Variants in GALNTL6 observed in about 807,000 individuals in gnomAD.
GALNTL6 encodes the protein polypeptide N-acetylgalactosaminyltransferase like 6, also known as polypeptide N-acetylgalactosaminyltransferase-like 6.
A neutral mutation model predicts 73.7 loss-of-function variants in GALNTL6; 46 were observed. The observed-to-expected ratio is 0.62, with a 90% CI of 0.49 to 0.80. The LOEUF is 0.80. Among genes scored for constraint, GALNTL6 ranks in the 30% least tolerant of loss-of-function variants. The pLI is 0.00. For missense variants in GALNTL6, 604 were observed against 755.0 expected (o/e 0.80, Z 2.34); for synonymous variants, 259 against 263.7 (o/e 0.98, Z 0.17).
rs181917265 is a variant in GALNTL6 at position 172,071,557 on chromosome 4, T to C, written c.139-158099T>C. ...CCCTTTTGGTGTTCTGCTTTTCTCATTGGGTTCCACATTTAGTGTGTTTTG... is the reference window on the plus strand; with the variant it reads ...CCCTTTTGGTGTTCTGCTTTTCTCACTGGGTTCCACATTTAGTGTGTTTTG... On this transcript the variant is annotated intron_variant, in intron 2 of 12. Coordinates refer to ENST00000506823, the MANE Select transcript of GALNTL6 (RefSeq NM_001034845.3). Among the ~76,000 whole-genome samples the C allele has an allele frequency of 5.1e-4, 57 of 111,132 alleles. 20 individuals carry two copies. The highest frequency in any genetic ancestry group is 1.8e-3 in the Admixed American group (19 of 10,728). 72.9% of individuals were successfully genotyped at this position (111,132 alleles called of 152,430 possible).
At position 172,804,393 on chromosome 4, in the gene GALNTL6, C is replaced by T. The variant is rs926724606; in HGVS notation, c.554-4968C>T. 1.7e-4 allele frequency among the ~76,000 whole-genome samples: 26 copies of T among 152,150 alleles called. 1 individual carries two copies. The highest frequency in any genetic ancestry group is 1.6e-3 in the Admixed American group (24 of 15,266). On this transcript the variant is annotated intron_variant, in intron 5 of 12. Coordinates refer to ENST00000506823, the MANE Select transcript of GALNTL6 (RefSeq NM_001034845.3). The stretch of plus-strand genomic sequence containing the variant: ...ATGATCTTATGGCAATCAGCCAACA[C>T]CAATGTATAAACATCAAAGAAATTT...
At chr4:172,940,545 T>C (rs1382062518) in intron 9 of GALNTL6, among the ~76,000 whole-genome samples, 1 of 151,862 alleles carries the variant, frequency 6.6e-6, no homozygotes, top group East Asian at 1.9e-4. Context: ...GTAATTTTAG[T>C]AGAGACGGGC....
chr4:172,208,067 T>C (rs836306), intron 2 of GALNTL6, among the ~76,000 whole-genome samples: 79,221 of 151,888 alleles, frequency 0.52, 22,167 homozygotes, highest in East Asian at 0.86. Context: ...AGAATTGTGA[T>C]ATTTTAGTTC....
chr4:172,552,807 T>C (rs1413351845), intron 5 of GALNTL6, among the ~76,000 whole-genome samples: 1 of 125,560 alleles, frequency 8.0e-6, no homozygotes, highest in Non-Finnish European at 1.6e-5. Context: ...AGAATATCGT[T>C]ATATTAGGCT....
intron 5 of GALNTL6, among the ~76,000 whole-genome samples, chr4:172,412,772 A>T (rs335985): frequency 0.87 from 131,794 of 152,168 alleles, 57,095 homozygotes; most frequent in South Asian, 0.89. Flanking sequence ...ATTCATTAAG[A>T]TTGTTTTTAA....
intron 2 of GALNTL6, among the ~76,000 whole-genome samples, chr4:172,123,500 A>ATT (rs67067629): frequency 0.027 from 3,087 of 115,340 alleles, 180 homozygotes; most frequent in African/African-American, 0.051. Flanking sequence ...AAAAGTCATA[A>ATT]TTTTTTTTTT....
chr4:171,818,349 A>T (rs1473030407), intron 2 of GALNTL6, among the ~76,000 whole-genome samples: 1 of 151,860 alleles, frequency 6.6e-6, no homozygotes, highest in Admixed American at 6.6e-5. Context: ...TCCTAAATAC[A>T]TTTTTAAAAA....
At chr4:172,060,005 A>T (rs1479695383) in intron 2 of GALNTL6, among the ~76,000 whole-genome samples, 1 of 152,226 alleles carries the variant, frequency 6.6e-6, no homozygotes, top group East Asian at 1.9e-4. Flanking sequence ...AGCTTCACTT[A>T]ACTAAAATTT....
At chr4:172,985,747 C>T (rs926249478) in intron 10 of GALNTL6, among the ~76,000 whole-genome samples, 2 of 152,164 alleles carry the variant, frequency 1.3e-5, no homozygotes, top group South Asian at 2.1e-4. Context: ...AACCACAAGA[C>T]CAGATGAGCC....
intron 5 of GALNTL6, among the ~76,000 whole-genome samples, chr4:172,659,075 C>T (rs1579300863): frequency 6.6e-6 from 1 of 152,192 alleles, no homozygotes; most frequent in East Asian, 1.9e-4. Context: ...ATCTCATCCA[C>T]ACAAGCATCC....
At chr4:172,647,500 G>A (rs1224766911) in intron 5 of GALNTL6, among the ~76,000 whole-genome samples, 2 of 151,976 alleles carry the variant, frequency 1.3e-5, no homozygotes, top group Non-Finnish European at 2.9e-5. Flanking sequence ...TAAAAATGGT[G>A]GTTTCTTCTA....
chr4:172,987,607 C>T (rs1249996914), intron 10 of GALNTL6, among the ~76,000 whole-genome samples: 1 of 152,174 alleles, frequency 6.6e-6, no homozygotes, highest in African/African-American at 2.4e-5. Flanking sequence ...TGTGTCCCCA[C>T]CCTAATCTCA....
intron 2 of GALNTL6, among the ~76,000 whole-genome samples, chr4:171,889,044 G>C (rs1217475932): frequency 1.3e-5 from 2 of 151,952 alleles, no homozygotes; most frequent in Non-Finnish European, 2.9e-5. Context: ...AAAAAGAAAA[G>C]AAAAGAGAAA....
chr4:172,524,078 T>C (rs1342423144), intron 5 of GALNTL6, among the ~76,000 whole-genome samples: 1 of 152,206 alleles, frequency 6.6e-6, no homozygotes, highest in Admixed American at 6.5e-5. Flanking sequence ...AGCACATATG[T>C]CTATAATCTA....
At chr4:172,389,576 A>G (rs1363032640) in intron 5 of GALNTL6, among the ~76,000 whole-genome samples, 1 of 152,198 alleles carries the variant, frequency 6.6e-6, no homozygotes, top group Non-Finnish European at 1.5e-5. Context: ...TATATAACAC[A>G]TAAGTTAAGC....
At chr4:171,923,786 C>CTGTGTGTGTGTGTG (rs563244976) in intron 2 of GALNTL6, among the ~76,000 whole-genome samples, 4,922 of 133,194 alleles carry the variant, frequency 0.037, 123 homozygotes, top group East Asian at 0.073. Flanking sequence ...AAAAGTATTG[C>CTGTGTGTGTGTGTG]TGTGTGTGTG....
chr4:172,377,623 G>A (rs2111272997), intron 5 of GALNTL6, among the ~76,000 whole-genome samples: 1 of 152,300 alleles, frequency 6.6e-6, no homozygotes, highest in South Asian at 2.1e-4. Context: ...CCACACGGGA[G>A]CCCACCGGTT....
chr4:172,957,769 C>A (rs1749820445), intron 10 of GALNTL6, among the ~76,000 whole-genome samples: 1 of 152,114 alleles, frequency 6.6e-6, no homozygotes, highest in Non-Finnish European at 1.5e-5. Flanking sequence ...AGAGTGAGGG[C>A]TTGATTTAAG....
At chr4:172,366,850 A>C (rs921955975) in intron 5 of GALNTL6, among the ~76,000 whole-genome samples, 9 of 152,242 alleles carry the variant, frequency 5.9e-5, no homozygotes, top group African/African-American at 2.2e-4. Context: ...TAATGCTACC[A>C]GCATTCAGAA....
Sources: gnomAD v4.1 joint callset for allele counts (sites outside exome capture counted in the v4.1 genomes callset) on GRCh38, gnomAD v4.1.1 for gene constraint, MANE v1.5 for transcripts, NCBI Gene and HGNC (gene_info 2026-07-23, HGNC 2026-07-21) for gene names.